The following DNAH9 variants were observed in gnomAD, a reference collection of about 807,000 sequenced individuals.
DNAH9 encodes the protein DNAH9 variant protein.
In DNAH9, 345 loss-of-function variants were observed where a neutral mutation model predicts 471.6. The ratio of observed to expected loss-of-function variants is 0.73; its 90% CI spans 0.67 to 0.80. The LOEUF (loss-of-function observed/expected upper bound fraction) is 0.80, where lower values mean the gene tolerates loss of function less well. Ranked by LOEUF, DNAH9 falls within the 30% of genes least tolerant of loss-of-function variation. The pLI, the probability that DNAH9 is intolerant of heterozygous loss-of-function variation, is 0.00. For missense variants in DNAH9, 5,407 were observed against 5,609.2 expected, an observed-to-expected ratio of 0.96 and a Z score of 1.15; for synonymous variants, 2,093 against 2,123.6, an observed-to-expected ratio of 0.99 and a Z score of 0.40.
Position 11,854,417 on chromosome 17 carries a change from G to A in DNAH9, c.9922G>A (p.Ala3308Thr), listed in dbSNP as rs756021016. The A allele has an allele frequency of 7.4e-6, 12 of 1,611,992 alleles. No individual in the cohort carries two copies. The highest frequency in any genetic ancestry group is 1.0e-5 in the Non-Finnish European group (12 of 1,178,830). The change falls in exon 50 of 69, where the codon GCC becomes ACC. Residue 3308 changes from alanine (A) to threonine (T), a missense_variant. Physicochemically the swap from Ala to Thr is moderately conservative, Grantham distance 58 (BLOSUM62 0). Coordinates refer to ENST00000262442, the MANE Select transcript of DNAH9 (RefSeq NM_001372.4). The part of the protein sequence containing the change: ...AAQEKLAAIK[A>T]KIAHLNENLA... ...CCAGGAGAAGCTGGCTGCCATCAAA[G>A]CCAAGATCGCTGTGAGTGACCCCAG... is the stretch of plus-strand genomic sequence containing the variant.
intron 56 of DNAH9, chr17:11,884,447 T>C (rs1366740700): frequency 2.6e-6 from 1 of 381,940 alleles, no homozygotes; most frequent in Non-Finnish European, 5.4e-6. Context: ...CAGAAGGGCA[T>C]TGGAGATATT....
intron 17 of DNAH9, among the ~76,000 whole-genome samples, chr17:11,675,365 G>C (rs547914872): frequency 2.0e-5 from 3 of 152,064 alleles, no homozygotes; most frequent in African/African-American, 7.2e-5. Context: ...AACGTACATG[G>C]TCATCATCTA....
rs1265284624 is a variant in DNAH9 at position 11,598,651 on chromosome 17, G to A, written c.153G>A (p.Glu51=). 2.9e-6 allele frequency: 4 copies of A among 1,356,254 alleles called. No individual in the cohort carries two copies. The highest frequency in any genetic ancestry group is 1.5e-5 in the African/African-American group (1 of 65,130). The allele number at this position is 1,356,254 out of a possible 1,614,324, so 84.0% of individuals were successfully genotyped here. A position where few individuals can be genotyped will look rare whatever the true frequency, so the allele number is the denominator to read the frequency against. ...GGGAGCGTTGCGCGGGGAGTGCTGAGGCGGAGCAGCTGCTCCAGGCCTTCC... is the reference window on the plus strand; with the variant it reads ...GGGAGCGTTGCGCGGGGAGTGCTGAAGCGGAGCAGCTGCTCCAGGCCTTCC... ...GAWERCAGSA[E]AEQLLQAFLG... Residue 51 remains glutamate (E), a synonymous_variant, in exon 1 of 69, where the codon GAG becomes GAA. Coordinates refer to ENST00000262442, the MANE Select transcript of DNAH9 (RefSeq NM_001372.4).
intron 12 of DNAH9, among the ~76,000 whole-genome samples, chr17:11,648,669 G>C (rs1388944616): frequency 1.3e-5 from 2 of 152,014 alleles, no homozygotes; most frequent in East Asian, 3.9e-4. Flanking sequence ...GCCATAGAAG[G>C]GAAAGGAGGG....
intron 68 of DNAH9, among the ~76,000 whole-genome samples, chr17:11,968,704 A>G (rs1468378721): frequency 6.6e-6 from 1 of 152,218 alleles, no homozygotes; most frequent in Non-Finnish European, 1.5e-5. Context: ...TCTCGGGACT[A>G]GTAGGAAAAA....
intron 68 of DNAH9, among the ~76,000 whole-genome samples, chr17:11,967,294 A>G (rs1206154885): frequency 1.3e-5 from 2 of 151,760 alleles, no homozygotes; most frequent in Non-Finnish European, 2.9e-5. Flanking sequence ...TTTAATAGAG[A>G]TGAGTTCTCC....
intron 28 of DNAH9, among the ~76,000 whole-genome samples, chr17:11,730,178 G>A (rs1285799841): frequency 6.6e-6 from 1 of 152,170 alleles, no homozygotes; most frequent in Non-Finnish European, 1.5e-5. Flanking sequence ...GAAGACAAAT[G>A]GCTAGCCTGG....
chr17:11,802,948 G>T (rs938576207), intron 43 of DNAH9, among the ~76,000 whole-genome samples: 8 of 152,158 alleles, frequency 5.3e-5, no homozygotes, highest in Non-Finnish European at 4.4e-5. Flanking sequence ...TCCTTGTTCT[G>T]CCACAAATTG....
intron 61 of DNAH9, among the ~76,000 whole-genome samples, chr17:11,914,909 A>T (rs1480630134): frequency 6.6e-6 from 1 of 152,164 alleles, no homozygotes; most frequent in Non-Finnish European, 1.5e-5. Context: ...TTTCTGTTAT[A>T]TTTAGTAAAT....
chr17:11,961,381 T>C (rs562591012), intron 67 of DNAH9, among the ~76,000 whole-genome samples: 1 of 152,316 alleles, frequency 6.6e-6, no homozygotes, highest in East Asian at 1.9e-4. Context: ...ATCTAGCTGT[T>C]GAAAGAGTGT....
At chr17:11,917,141 A>G (rs1014843826) in intron 61 of DNAH9, among the ~76,000 whole-genome samples, 1 of 151,744 alleles carries the variant, frequency 6.6e-6, no homozygotes, top group African/African-American at 2.4e-5. Flanking sequence ...TCTGTTTTCT[A>G]TTTTTTTGTT....
chr17:11,710,642 C>T (rs1167580125), intron 26 of DNAH9, among the ~76,000 whole-genome samples: 1 of 152,136 alleles, frequency 6.6e-6, no homozygotes, highest in East Asian at 1.9e-4. Flanking sequence ...TAATTATTTA[C>T]TACTGTTATT....
At chr17:11,946,010 C>A (rs1452011877) in intron 67 of DNAH9, among the ~76,000 whole-genome samples, 4 of 151,762 alleles carry the variant, frequency 2.6e-5, no homozygotes, top group African/African-American at 4.8e-5. Flanking sequence ...ACAAGCCTGG[C>A]CAACATGGTG....
chr17:11,891,573 C>A (rs969678654), intron 57 of DNAH9, among the ~76,000 whole-genome samples: 2 of 152,146 alleles, frequency 1.3e-5, no homozygotes, highest in Non-Finnish European at 2.9e-5. Context: ...CCATGTTGGC[C>A]AGGCTGGTCT....
chr17:11,876,948 G>A (rs1023209919), intron 53 of DNAH9, among the ~76,000 whole-genome samples: 3 of 151,578 alleles, frequency 2.0e-5, no homozygotes, highest in African/African-American at 4.9e-5. Context: ...GGCTGGTCTC[G>A]CACTCCTGAC....
intron 22 of DNAH9, among the ~76,000 whole-genome samples, chr17:11,695,080 G>T (rs1312126036): frequency 5.3e-5 from 8 of 150,976 alleles, no homozygotes; most frequent in South Asian, 4.2e-4. Context: ...AGTAGAGACG[G>T]GGTTTCACCA....
At position 11,851,595 on chromosome 17, in the gene DNAH9, C is replaced by T. The variant is rs575226905; in HGVS notation, c.9508-2408C>T. The stretch of plus-strand genomic sequence containing the variant: ...GTGGGCCACAGTCAGAGAGTTAGAC[C>T]GTGTGCCTTCCAACATGAAGAAACT... On this transcript the variant is annotated intron_variant, in intron 49 of 68. Transcript: ENST00000262442. Among the ~76,000 whole-genome samples, 6 of 152,256 alleles carry T rather than the reference C, an allele frequency of 3.9e-5. No individual in the cohort carries two copies. In the South Asian group the frequency reaches 8.3e-4, roughly 21 times the overall value.
At chr17:11,673,560 C>T (rs2074002935) in intron 17 of DNAH9, among the ~76,000 whole-genome samples, 3 of 150,910 alleles carry the variant, frequency 2.0e-5, no homozygotes, top group East Asian at 3.9e-4. Flanking sequence ...TTTGTATGCA[C>T]TCCTTTACAG....
At chr17:11,729,747 C>A (rs183659401) in intron 28 of DNAH9, among the ~76,000 whole-genome samples, 1 of 152,234 alleles carries the variant, frequency 6.6e-6, no homozygotes, top group Non-Finnish European at 1.5e-5. Flanking sequence ...CCTTGTCCCC[C>A]TCTGCCCTGG....
Sources: gnomAD v4.1 joint callset for allele counts (sites outside exome capture counted in the v4.1 genomes callset) on GRCh38, gnomAD v4.1.1 for gene constraint, MANE v1.5 for transcripts, NCBI Gene and HGNC (gene_info 2026-07-23, HGNC 2026-07-21) for gene names.